The following TBC1D16 variants were observed in gnomAD, a reference collection of about 807,000 sequenced individuals.
The protein encoded by TBC1D16 is CTD-2529O21.1.
Under a neutral mutation model 74.7 loss-of-function variants are expected in TBC1D16, and 58 were observed. The observed-to-expected ratio is 0.78, with a 90% CI of 0.63 to 0.97. TBC1D16 has a LOEUF of 0.97. Ranked by LOEUF, TBC1D16 falls within the 50% of genes least tolerant of loss-of-function variation. TBC1D16 has a pLI of 0.00. For synonymous variants in TBC1D16, 493 were observed against 474.7 expected (o/e 1.04, Z -0.50); for missense variants, 1,014 against 1,079.5 (o/e 0.94, Z 0.85).
chr17:79,948,285 T>C (rs1328716791), intron 8 of TBC1D16, among the ~76,000 whole-genome samples: 12 of 147,572 alleles, frequency 8.1e-5, no homozygotes, highest in Admixed American at 1.4e-4. Context: ...TGCACTCCAG[T>C]CTGGATGACA....
At chr17:80,019,439 A>ACCCCCCCCCCC (rs71163907) in intron 1 of TBC1D16, among the ~76,000 whole-genome samples, 8 of 135,768 alleles carry the variant, frequency 5.9e-5, no homozygotes, top group South Asian at 2.4e-4. Flanking sequence ...CACCAGGACA[A>ACCCCCCCCCCC]CCCCCCCCCG....
intron 3 of TBC1D16, among the ~76,000 whole-genome samples, chr17:79,970,487 C>T (rs959864830): frequency 6.6e-6 from 1 of 152,210 alleles, no homozygotes; most frequent in Non-Finnish European, 1.5e-5. Context: ...ACATCTCCCA[C>T]CAAAGGGTCT....
intron 1 of TBC1D16, among the ~76,000 whole-genome samples, chr17:80,032,657 C>A: frequency 6.6e-6 from 1 of 152,150 alleles, no homozygotes; most frequent in East Asian, 1.9e-4. Context: ...AACATCATTG[C>A]CCCATATTTT....
rs771000828 is a variant in TBC1D16 at position 79,950,462 on chromosome 17, G to A, written c.1206C>T (p.Leu402=). The A allele has an allele frequency of 1.4e-5, 22 of 1,612,926 alleles. No individual in the cohort carries two copies. The highest frequency in any genetic ancestry group is 1.6e-5 in the Non-Finnish European group (19 of 1,179,872). ...MYKRLGVSAW[L]NHLNELGQVE... ...CCTGGCCCAGCTCATTCAGGTGGTT[G>A]AGCCAGGCGGAGACGCCGAGCCTCT... The change falls in exon 6 of 12, where the codon CTC becomes CTT. Residue 402 remains leucine (L), a synonymous_variant. Transcript: ENST00000310924. This position sits in a 1 kb window ranked among gnomAD's most constrained non-coding sequence, Gnocchi z 4.6.
At chr17:79,977,663 T>G (rs532462173) in intron 3 of TBC1D16, among the ~76,000 whole-genome samples, 1 of 152,388 alleles carries the variant, frequency 6.6e-6, no homozygotes, top group East Asian at 1.9e-4. Flanking sequence ...GTTTCTAAAA[T>G]GCACAGTAAG....
chr17:79,973,561 A>T (rs923448441), intron 3 of TBC1D16, among the ~76,000 whole-genome samples: 8 of 152,004 alleles, frequency 5.3e-5, no homozygotes, highest in African/African-American at 1.7e-4. Context: ...TACAAAAAAA[A>T]TAGCCAGGTG....
At chr17:80,012,339 G>A (rs1480970331) in intron 2 of TBC1D16, among the ~76,000 whole-genome samples, 2 of 152,170 alleles carry the variant, frequency 1.3e-5, no homozygotes, top group Admixed American at 6.5e-5. Flanking sequence ...TCGAGGGGCC[G>A]CATCGCCCAG....
chr17:80,000,327 C>T lies in TBC1D16; in HGVS notation c.779+9833G>A, dbSNP rs1043199160. 4.6e-5 allele frequency among the ~76,000 whole-genome samples: 7 copies of T among 152,286 alleles called. No individual in the cohort carries two copies. The South Asian group carries it at 8.3e-4, about 18-fold the overall frequency. ...TGAGGTCACCCTAGATTTGAGTAGG[C>T]CCTATCTAATGACTGGCATCCGTAT... is the stretch of plus-strand genomic sequence containing the variant. On this transcript the variant is annotated intron_variant, in intron 3 of 11. Coordinates refer to ENST00000310924, the MANE Select transcript of TBC1D16 (RefSeq NM_019020.4). The surrounding 1 kb of genome is among the most constrained non-coding windows in gnomAD (Gnocchi z 4.1).
chr17:79,960,779 CAAAA>C (rs746450905), intron 3 of TBC1D16, among the ~76,000 whole-genome samples: 465 of 33,930 alleles, frequency 0.014, 54 homozygotes, highest in African/African-American at 0.045. Flanking sequence ...AACAAAAACC[CAAAA>C]AAAAAAAAAA....
chr17:79,995,370 G>A (rs1044532333), intron 3 of TBC1D16, among the ~76,000 whole-genome samples: 13 of 152,066 alleles, frequency 8.5e-5, no homozygotes, highest in South Asian at 4.2e-4. Flanking sequence ...AGAGCAAAGC[G>A]TCTCAATGAA....
intron 1 of TBC1D16, among the ~76,000 whole-genome samples, chr17:80,026,266 A>C (rs1299899603): frequency 6.7e-6 from 1 of 149,864 alleles, no homozygotes; most frequent in Non-Finnish European, 1.5e-5. Flanking sequence ...CTAATTTAAA[A>C]ATACAAAAAT....
rs372322428 is a variant in TBC1D16 at position 79,947,747 on chromosome 17, G to A, written c.1626C>T (p.Ala542=). Reference sequence around the variant, plus strand: ...AGGTGTCTGACTCATCCAGGACCTCGGCCAAGATGGGCGCCACCAGGTCCG... The same window carrying A: ...AGGTGTCTGACTCATCCAGGACCTCAGCCAAGATGGGCGCCACCAGGTCCG... ...GMSDLVAPIL[A]EVLDESDTFW... Residue 542 remains alanine, a synonymous_variant, in exon 9 of 12, where the codon GCC becomes GCT. Transcript: ENST00000310924. 23 of 1,613,998 alleles carry A rather than the reference G, an allele frequency of 1.4e-5. No homozygotes were observed. In the South Asian group the frequency reaches 1.4e-4, roughly 10 times the overall value.
Position 79,950,722 on chromosome 17 carries a change from C to T in TBC1D16, c.1090-144G>A. 3 of 1,537,204 alleles carry T rather than the reference C, an allele frequency of 2.0e-6. No homozygotes were observed. Among genetic ancestry groups the T allele is most frequent in the Non-Finnish European group, 1.8e-6 (2 of 1,142,162 alleles). On this transcript the variant is annotated intron_variant, in intron 5 of 11. Coordinates refer to ENST00000310924, the MANE Select transcript of TBC1D16 (RefSeq NM_019020.4). This position sits in a 1 kb window ranked among gnomAD's most constrained non-coding sequence, Gnocchi z 4.6. ...CCCCTGCATACAAACCCCTAAATGG[C>T]GAGTGTAATTAGGCGCAATTAAAAT...
chr17:79,959,390 T>A (rs1022144839), intron 3 of TBC1D16, among the ~76,000 whole-genome samples: 2 of 152,156 alleles, frequency 1.3e-5, no homozygotes, highest in Non-Finnish European at 2.9e-5. Context: ...TGAAAATTGA[T>A]AAGTTGACCC....
chr17:80,015,117 G>A (rs2036039443), intron 1 of TBC1D16, among the ~76,000 whole-genome samples: 1 of 152,166 alleles, frequency 6.6e-6, no homozygotes, highest in Non-Finnish European at 1.5e-5. Context: ...GCCACGCCAA[G>A]GAACGACCGT....
intron 2 of TBC1D16, among the ~76,000 whole-genome samples, chr17:80,011,121 AACCCCC>A (rs960071971): frequency 7.9e-5 from 12 of 151,904 alleles, no homozygotes; most frequent in African/African-American, 2.9e-4. Flanking sequence ...AGCTTACTGC[AACCCCC>A]ACCTCCTAGG....
At chr17:79,945,837 G>A (rs12449690) in intron 9 of TBC1D16, among the ~76,000 whole-genome samples, 16,067 of 152,300 alleles carry the variant, frequency 0.11, 1,229 homozygotes, top group Admixed American at 0.25. Flanking sequence ...TCAGCCCCCC[G>A]GCCCAGGTGG....
rs565726546 is a variant in TBC1D16, at chr17:79,965,099, C to T, written c.780-12281G>A. 2.4e-4 allele frequency among the ~76,000 whole-genome samples: 36 copies of T among 150,646 alleles called. No homozygotes were observed. In the South Asian group the frequency reaches 6.3e-3, roughly 26 times the overall value. ...TTTCTGTATTAATTTTTTTTTGAGGCGGAGTCTTGCTCTGTCGCCCAGGCT... is the reference window on the plus strand; with the variant it reads ...TTTCTGTATTAATTTTTTTTTGAGGTGGAGTCTTGCTCTGTCGCCCAGGCT... On this transcript the variant is annotated intron_variant, in intron 3 of 11. Coordinates refer to ENST00000310924, the MANE Select transcript of TBC1D16 (RefSeq NM_019020.4).
In TBC1D16 at chr17:79,948,933, G is replaced by A. The variant is rs777486652; in HGVS notation, c.1480C>T (p.Arg494Trp). 3 of 1,614,122 alleles carry A rather than the reference G, an allele frequency of 1.9e-6. No homozygotes were observed. Among genetic ancestry groups the A allele is most frequent in the Non-Finnish European group, 2.5e-6 (3 of 1,180,000 alleles). ...AAGAACTGGTTGTTCCGATCTGTCCGGACCACGTCTTTGTCCACAGTGAAC... is the reference window on the plus strand; with the variant it reads ...AAGAACTGGTTGTTCCGATCTGTCCAGACCACGTCTTTGTCCACAGTGAAC... Reference protein sequence around the residue: ...VQFTVDKDVVRTDRNNQFFRG... With the variant: ...VQFTVDKDVVWTDRNNQFFRG... Residue 494 changes from arginine to tryptophan, a missense_variant, in exon 8 of 12, where the codon CGG (arginine) becomes TGG (tryptophan). Arg to Trp is a moderately radical substitution (Grantham distance 101). Coordinates refer to ENST00000310924, the MANE Select transcript of TBC1D16 (RefSeq NM_019020.4).
Sources: allele counts gnomAD v4.1 joint callset (sites outside exome capture counted in the v4.1 genomes callset), GRCh38; gene constraint gnomAD v4.1.1; non-coding constraint Gnocchi (gnomAD v3.1); transcripts MANE v1.5; gene names NCBI Gene and HGNC (gene_info 2026-07-23, HGNC 2026-07-21).